IGLON5: variants seen among roughly 807,000 people sequenced by gnomAD.
IGLON5 encodes the protein IgLON family member 5.
A neutral mutation model predicts 38.2 loss-of-function variants in IGLON5; 16 were observed. The observed-to-expected ratio is 0.42, with a 90% CI of 0.28 to 0.64. The LOEUF is 0.64. IGLON5 is among the 30% of genes least tolerant of loss of function. The pLI, the probability that IGLON5 is intolerant of heterozygous loss-of-function variation, is 0.23. For missense variants in IGLON5, 366 were observed against 483.4 expected (o/e 0.76, Z 2.28); for synonymous variants, 207 against 216.4 (o/e 0.96, Z 0.38).
intron 1 of IGLON5, among the ~76,000 whole-genome samples, chr19:51,320,171 T>C (rs889975451): frequency 3.3e-5 from 5 of 152,036 alleles, no homozygotes; most frequent in African/African-American, 1.2e-4. Flanking sequence ...CTCCATTCTC[T>C]TTAAATCCCA....
intron 1 of IGLON5, among the ~76,000 whole-genome samples, chr19:51,321,428 C>T (rs1039650406): frequency 6.6e-6 from 1 of 152,178 alleles, no homozygotes; most frequent in African/African-American, 2.4e-5. Flanking sequence ...ATCCTCCCAC[C>T]TCGGCCTCCC....
intron 1 of IGLON5, among the ~76,000 whole-genome samples, chr19:51,318,224 A>G (rs1984968398): frequency 6.6e-6 from 1 of 152,184 alleles, no homozygotes; most frequent in African/African-American, 2.4e-5. Context: ...ATCCATTTAT[A>G]TTCATCCATT....
intron 1 of IGLON5, among the ~76,000 whole-genome samples, chr19:51,319,582 T>A (rs1419525219): frequency 6.6e-6 from 1 of 152,124 alleles, no homozygotes; most frequent in African/African-American, 2.4e-5. Context: ...GGAAGGGATG[T>A]AATTGTGTGT....
At chr19:51,320,978 G>A (rs1013610472) in intron 1 of IGLON5, among the ~76,000 whole-genome samples, 3 of 152,070 alleles carry the variant, frequency 2.0e-5, no homozygotes, top group African/African-American at 7.3e-5. Context: ...ATGTGTGTCT[G>A]TATACCGTAC....
chr19:51,311,953 T>TCGGCCGGGACGCC, intron 1 of IGLON5, 27 bp downstream of exon 1: 1 of 1,237,644 alleles, frequency 8.1e-7, no homozygotes, highest in Non-Finnish European at 1.0e-6. Flanking sequence ...GGCGGGGGGC[T>TCGGCCGGGACGCC]CGGCCGGGAC....
At position 51,323,679 on chromosome 19, in the gene IGLON5, A is replaced by G; in HGVS notation, c.176A>G (p.His59Arg). Residue 59 changes from histidine (H) to arginine (R), a missense_variant, in exon 3 of 8, where the codon CAC (histidine) becomes CGC (arginine). Coordinates refer to ENST00000270642, the MANE Select transcript of IGLON5 (RefSeq NM_001101372.3). ...NATLSCFIDE[H>R]VTRVAWLNRS... ...CCCTGCAGCTGCTTCATCGACGAGCACGTGACCCGCGTGGCCTGGCTGAAC... is the reference window on the plus strand; with the variant it reads ...CCCTGCAGCTGCTTCATCGACGAGCGCGTGACCCGCGTGGCCTGGCTGAAC... 6.2e-7 allele frequency: 1 copy of G among 1,610,878 alleles called. No individual in the cohort carries two copies. The highest frequency in any genetic ancestry group is 8.5e-7 in the Non-Finnish European group (1 of 1,177,460).
chr19:51,320,267 G>A (rs1985020655), intron 1 of IGLON5, among the ~76,000 whole-genome samples: 1 of 152,202 alleles, frequency 6.6e-6, no homozygotes. Context: ...CACTGCACCT[G>A]GCTCCGTCCT....
At chr19:51,313,639 C>CTT (rs775668430) in intron 1 of IGLON5, among the ~76,000 whole-genome samples, 2 of 122,048 alleles carry the variant, frequency 1.6e-5, no homozygotes, top group African/African-American at 9.0e-5. Context: ...TTTTCTCTCT[C>CTT]TCTCTCTTTT....
intron 1 of IGLON5, among the ~76,000 whole-genome samples, chr19:51,318,872 C>A (rs1222105321): frequency 6.6e-6 from 1 of 152,182 alleles, no homozygotes; most frequent in Non-Finnish European, 1.5e-5. Flanking sequence ...GGGTAGGCAC[C>A]TTGGACAGCT....
intron 1 of IGLON5, among the ~76,000 whole-genome samples, chr19:51,319,076 T>C (rs1764950900): frequency 6.6e-6 from 1 of 152,176 alleles, no homozygotes. Context: ...TGGCCCCAAA[T>C]GTCAGCCGTG....
At position 51,328,823 on chromosome 19, in the gene IGLON5, G is replaced by A. The variant is rs1178163591; in HGVS notation, c.*64G>A. 154 of 1,228,718 alleles carry A rather than the reference G, an allele frequency of 1.3e-4. No individual in the cohort carries two copies. The highest frequency in any genetic ancestry group is 1.6e-4 in the Non-Finnish European group (145 of 886,270). 76.1% of individuals were successfully genotyped at this position (1,228,718 alleles called of 1,614,324 possible). ...CTCAGGCCAAGAGTGAGAGAAACGG[G>A]GGAGCAAGAGCCGTGGGTCTCGTGG... is the stretch of plus-strand genomic sequence containing the variant. On this transcript the variant is annotated 3_prime_UTR_variant, in exon 8 of 8. Transcript: ENST00000270642.
Position 51,330,508 on chromosome 19 carries a change from G to A in IGLON5, c.*1749G>A, listed in dbSNP as rs905424961. On this transcript the variant is annotated 3_prime_UTR_variant, in exon 8 of 8. Coordinates refer to ENST00000270642, the MANE Select transcript of IGLON5 (RefSeq NM_001101372.3). ...CTCATTACAGAGATGCCCTGTGATT[G>A]GCCGAAGACACCCAGCATAGCCCAT... 1.3e-5 allele frequency among the ~76,000 whole-genome samples: 2 copies of A among 152,198 alleles called. No homozygotes were observed. The highest frequency in any genetic ancestry group is 2.9e-5 in the Non-Finnish European group (2 of 68,028).
At chr19:51,323,984 C>A in intron 3 of IGLON5, 90 bp downstream of exon 3, 2 of 858,534 alleles carry the variant, frequency 2.3e-6, no homozygotes, top group East Asian at 2.6e-5. Flanking sequence ...GTTCCCCAAC[C>A]CCAGGGATAC....
Position 51,327,165 on chromosome 19 carries a change from C to T in IGLON5, c.732C>T (p.Pro244=), listed in dbSNP as rs759730067. ...TGCGCTGCGAAGCCATGGCGGTTCC[C>T]CCCGCGGATTTCCAGTGGTACAAGG... The part of the protein sequence containing the change: ...ALLRCEAMAV[P]PADFQWYKDD... The change falls in exon 6 of 8, where the codon CCC becomes CCT. Residue 244 remains proline, a synonymous_variant. Transcript: ENST00000270642. The surrounding 1 kb of genome is among the most constrained non-coding windows in gnomAD (Gnocchi z 7.1). 45 of 1,612,382 alleles carry T rather than the reference C, an allele frequency of 2.8e-5. No individual in the cohort carries two copies. In the South Asian group the frequency reaches 4.7e-4, roughly 17 times the overall value.
intron 7 of IGLON5, among the ~76,000 whole-genome samples, chr19:51,328,143 G>A (rs530446660): frequency 1.8e-4 from 27 of 152,212 alleles, no homozygotes; most frequent in Non-Finnish European, 2.8e-4. Context: ...TAGTCTAGTA[G>A]GAGTAGAAAA....
In IGLON5 at chr19:51,322,403, C is replaced by T. The variant is rs112132804; in HGVS notation, c.158+261C>T. Among the ~76,000 whole-genome samples, 33 of 144,110 alleles carry T rather than the reference C, an allele frequency of 2.3e-4. 1 individual carries two copies. Among genetic ancestry groups the T allele is most frequent in the Admixed American group, 1.3e-3 (19 of 14,938 alleles). 94.5% of individuals were successfully genotyped at this position (144,110 alleles called of 152,430 possible). The stretch of plus-strand genomic sequence containing the variant: ...ACCCAGAGAGAGAGAGGGACAGAGA[C>T]CCAGAGAGAAGGGGACAGAGATCCA... On this transcript the variant is annotated intron_variant, in intron 2 of 7. Transcript: ENST00000270642.
At chr19:51,328,323 G>T (rs1985265697) in intron 7 of IGLON5, among the ~76,000 whole-genome samples, 1 of 139,642 alleles carries the variant, frequency 7.2e-6, no homozygotes, top group African/African-American at 3.2e-5. Context: ...CCAACATGGT[G>T]AAACTATGTC....
chr19:51,330,205 C>A lies in IGLON5; in HGVS notation c.*1446C>A, dbSNP rs1317866606. ...GTACCTCAGACGGGGGCATGGGCCCCATCCCACATTGTCTTCCATTCCCAG... is the reference window on the plus strand; with the variant it reads ...GTACCTCAGACGGGGGCATGGGCCCAATCCCACATTGTCTTCCATTCCCAG... On this transcript the variant is annotated 3_prime_UTR_variant, in exon 8 of 8. Transcript: ENST00000270642. The A allele has an allele frequency of 6.9e-6, 1 of 144,800 alleles. No homozygotes were observed. Among genetic ancestry groups the A allele is most frequent in the African/African-American group, 2.5e-5 (1 of 39,964 alleles). The allele number at this position is 144,800 out of a possible 1,614,324, so 9.0% of individuals were successfully genotyped here. A position where few individuals can be genotyped will look rare whatever the true frequency, so the allele number is the denominator to read the frequency against.
Position 51,325,491 on chromosome 19 carries a change from G to GCCCCGT in IGLON5, c.511+31_511+36dup, listed in dbSNP as rs1985194499. The GCCCCGT allele has an allele frequency of 1.9e-6, 3 of 1,595,704 alleles. No individual in the cohort carries two copies. The African/African-American group carries it at 4.0e-5, about 21-fold the overall frequency. ...GTGAGGACCCCATCCCAGGTCAAAA[G>GCCCCGT]CCCCGTCCCCCACTGCGCAGTCTGG... On this transcript the variant is annotated intron_variant, in intron 4 of 7. Transcript: ENST00000270642. The surrounding 1 kb of genome is among the most constrained non-coding windows in gnomAD (Gnocchi z 5.5).
Sources: allele counts gnomAD v4.1 joint callset (sites outside exome capture counted in the v4.1 genomes callset), GRCh38; gene constraint gnomAD v4.1.1; non-coding constraint Gnocchi (gnomAD v3.1); transcripts MANE v1.5; gene names NCBI Gene and HGNC (gene_info 2026-07-23, HGNC 2026-07-21).